The following CELF2 variants were observed in gnomAD, a reference collection of about 807,000 sequenced individuals.
CELF2 encodes CUGBP Elav-like family member 2.
A neutral mutation model predicts 62.6 loss-of-function variants in CELF2; 8 were observed. The observed-to-expected ratio is 0.13, with a 90% CI of 0.07 to 0.23. The LOEUF is 0.23. Ranked by LOEUF, CELF2 falls within the 10% of genes least tolerant of loss-of-function variation. The pLI, the probability that CELF2 is intolerant of heterozygous loss-of-function variation, is 1.00. For synonymous variants in CELF2, 258 were observed against 250.0 expected, an observed-to-expected ratio of 1.03 and a Z score of -0.30; for missense variants, 333 against 671.0, an observed-to-expected ratio of 0.50 and a Z score of 5.56.
At chr10:10,681,444 G>A in the CELF2 span, among the ~76,000 whole-genome samples, 1 of 152,060 alleles carries the variant, frequency 6.6e-6, no homozygotes, top group African/African-American at 2.4e-5. Flanking sequence ...AGGATATGCA[G>A]GTCATACCCT....
At chr10:11,130,963 A>AG (rs1491122860) in intron 1 of CELF2, among the ~76,000 whole-genome samples, 1 of 152,268 alleles carries the variant, frequency 6.6e-6, no homozygotes, top group Non-Finnish European at 1.5e-5. Context: ...ATATTAACAA[A>AG]GAGACGCTCA....
chr10:11,260,111 T>C lies in CELF2; in HGVS notation c.538+2239T>C, dbSNP rs920724367. Among the ~76,000 whole-genome samples, 6 of 152,236 alleles carry C rather than the reference T, an allele frequency of 3.9e-5. No individual in the cohort carries two copies. The highest frequency in any genetic ancestry group is 7.3e-5 in the Non-Finnish European group (5 of 68,042). On this transcript the variant is annotated intron_variant, in intron 5 of 12. Transcript: ENST00000633077. The surrounding 1 kb of genome is among the most constrained non-coding windows in gnomAD (Gnocchi z 4.2). ...AAATGAAATAGAACTTTAGTCATTT[T>C]ATTTTCTTACCTCTGTCCTGAGCTT...
At position 11,117,855 on chromosome 10, in the gene CELF2, G is replaced by C. The variant is rs1033236517; in HGVS notation, c.75-47631G>C. ...AAGCTAACTCATGCATGCACAACAT[G>C]ATAGGCCATGTCACTCCTCACAGCC... On this transcript the variant is annotated intron_variant, in intron 1 of 12. Transcript: ENST00000633077. The surrounding 1 kb of genome is among the most constrained non-coding windows in gnomAD (Gnocchi z 4.1). 6.6e-6 allele frequency among the ~76,000 whole-genome samples: 1 copy of C among 152,110 alleles called. No homozygotes were observed. Among genetic ancestry groups the C allele is most frequent in the Non-Finnish European group, 1.5e-5 (1 of 68,010 alleles).
chr10:11,197,028 A>AGAAAGAAAGAAAGAAAGAAAGAAAG, intron 2 of CELF2, among the ~76,000 whole-genome samples: 1 of 20,982 alleles, frequency 4.8e-5, no homozygotes, highest in Middle Eastern at 0.026. Context: ...AAGAAAGAAA[A>AGAAAGAAAGAAAGAAAGAAAGAAAG]GAAAGAAAGA....
chr10:11,049,764 G>C, intron 1 of CELF2, among the ~76,000 whole-genome samples: 1 of 152,170 alleles, frequency 6.6e-6, no homozygotes, highest in East Asian at 1.9e-4. Context: ...TAAATGGGTT[G>C]TATGTGCACT....
At chr10:10,592,678 C>T in the CELF2 span, among the ~76,000 whole-genome samples, 2 of 152,288 alleles carry the variant, frequency 1.3e-5, no homozygotes, top group Admixed American at 1.3e-4. Context: ...TTTCCCTTAG[C>T]TAGTTACAGA....
At chr10:10,664,561 T>C in the CELF2 span, among the ~76,000 whole-genome samples, 1 of 152,092 alleles carries the variant, frequency 6.6e-6, no homozygotes, top group Non-Finnish European at 1.5e-5. Context: ...TGGGTAAAAA[T>C]TATGCATATA....
At chr10:10,663,567 A>C in the CELF2 span, among the ~76,000 whole-genome samples, 1 of 152,218 alleles carries the variant, frequency 6.6e-6, no homozygotes, top group African/African-American at 2.4e-5. Flanking sequence ...GAAATACTGA[A>C]AGTTCACTAT....
At chr10:11,183,088 C>G (rs2073920569) in intron 2 of CELF2, among the ~76,000 whole-genome samples, 1 of 152,204 alleles carries the variant, frequency 6.6e-6, no homozygotes, top group Admixed American at 6.5e-5. Flanking sequence ...AAACACATCT[C>G]TCACCCCTGA....
chr10:11,002,851 T>G (rs190566075), upstream of CELF2, among the ~76,000 whole-genome samples: 3 of 152,252 alleles, frequency 2.0e-5, no homozygotes, highest in Admixed American at 2.0e-4. The surrounding 1 kb of genome is among the most constrained non-coding windows in gnomAD (Gnocchi z 4.4). Context: ...GCATTTAAAA[T>G]TTTTTTGAAA....
chr10:10,670,435 T>G, the CELF2 span, among the ~76,000 whole-genome samples: 4 of 152,212 alleles, frequency 2.6e-5, no homozygotes, highest in African/African-American at 9.7e-5. Context: ...TGAGATTTTA[T>G]TTTTAGACCA....
the CELF2 span, among the ~76,000 whole-genome samples, chr10:10,536,736 A>C: frequency 1.3e-5 from 2 of 152,326 alleles, no homozygotes; most frequent in South Asian, 2.1e-4. Context: ...TAACAGAGAG[A>C]ATTTAATACA....
Position 11,100,076 on chromosome 10 carries a change from C to T in CELF2, c.75-65410C>T, listed in dbSNP as rs924517793. Among the ~76,000 whole-genome samples, 50 of 152,018 alleles carry T rather than the reference C, an allele frequency of 3.3e-4. 1 individual carries two copies. The highest frequency in any genetic ancestry group is 1.1e-3 in the African/African-American group (46 of 41,504). On this transcript the variant is annotated intron_variant, in intron 1 of 12. Coordinates refer to ENST00000633077, the MANE Select transcript of CELF2 (RefSeq NM_001326342.2). Reference sequence around the variant, plus strand: ...AAATAGCCGGGCATGGTGGTGGGCTCCTCTGAAATTCCAGTTGCCCAGGAG... The same window carrying T: ...AAATAGCCGGGCATGGTGGTGGGCTTCTCTGAAATTCCAGTTGCCCAGGAG...
chr10:10,562,720 G>C, the CELF2 span, among the ~76,000 whole-genome samples: 1 of 137,294 alleles, frequency 7.3e-6, no homozygotes, highest in African/African-American at 3.4e-5. Context: ...TCCCTCCTCT[G>C]TCTTCCCTTC....
chr10:10,669,898 CCTT>C, the CELF2 span, among the ~76,000 whole-genome samples: 3 of 107,040 alleles, frequency 2.8e-5, no homozygotes, highest in African/African-American at 1.1e-4. Context: ...CTCTTATATG[CCTT>C]TTTTTTTTTT....
chr10:10,632,000 G>A, the CELF2 span, among the ~76,000 whole-genome samples: 76 of 152,176 alleles, frequency 5.0e-4, no homozygotes, highest in Middle Eastern at 3.4e-3. Flanking sequence ...AAAAATAAAC[G>A]AGAGGCCTGT....
chr10:10,510,826 C>T, the CELF2 span, among the ~76,000 whole-genome samples: 1 of 152,158 alleles, frequency 6.6e-6, no homozygotes, highest in African/African-American at 2.4e-5. Context: ...TAAATTTAAA[C>T]TGGAATAAGC....
chr10:11,028,408 TTTC>T (rs2138652273), intron 1 of CELF2, among the ~76,000 whole-genome samples: 1 of 132,492 alleles, frequency 7.5e-6, no homozygotes, highest in South Asian at 2.6e-4. Context: ...GATTTTTTCT[TTTC>T]TTTTCTTTTT....
upstream of CELF2, chr10:11,005,062 G>A (rs956381538): frequency 1.8e-5 from 18 of 985,244 alleles, no homozygotes; most frequent in South Asian, 8.0e-4. The surrounding 1 kb of genome is among the most constrained non-coding windows in gnomAD (Gnocchi z 4.3). Flanking sequence ...GTAATTAGGA[G>A]AAGTAATACC....
Sources: allele counts gnomAD v4.1 joint callset (sites outside exome capture counted in the v4.1 genomes callset), GRCh38; gene constraint gnomAD v4.1.1; non-coding constraint Gnocchi (gnomAD v3.1); transcripts MANE v1.5; gene names NCBI Gene and HGNC (gene_info 2026-07-23, HGNC 2026-07-21).